SEPTIN7: variants seen among roughly 807,000 people sequenced by gnomAD.
SEPTIN7 encodes septin-7.
Under a neutral mutation model 63.3 loss-of-function variants are expected in SEPTIN7, and 10 were observed. That is an observed-to-expected ratio of 0.16 (90% CI 0.10 to 0.27). The LOEUF is 0.27. Among genes scored for constraint, SEPTIN7 ranks in the 10% least tolerant of loss-of-function variants. The pLI is 1.00. For missense variants in SEPTIN7, 310 were observed against 521.0 expected, an observed-to-expected ratio of 0.59 and a Z score of 3.94; for synonymous variants, 131 against 165.3, an observed-to-expected ratio of 0.79 and a Z score of 1.59.
chr7:35,907,728 A>T (rs1356169449), downstream of SEPTIN7, among the ~76,000 whole-genome samples: 2 of 152,330 alleles, frequency 1.3e-5, no homozygotes, highest in East Asian at 3.9e-4. Flanking sequence ...TAAGAGGGGC[A>T]GCTGGCCACC....
At chr7:35,873,885 A>G in intron 6 of SEPTIN7, 110 bp downstream of exon 6, 3 of 972,716 alleles carry the variant, frequency 3.1e-6, no homozygotes, top group South Asian at 3.3e-5. Context: ...AACTATAGCC[A>G]TTATGAAGTA....
At chr7:35,853,013 AT>A (rs1212417467) in intron 3 of SEPTIN7, among the ~76,000 whole-genome samples, 1 of 152,192 alleles carries the variant, frequency 6.6e-6, no homozygotes, top group South Asian at 2.1e-4. Flanking sequence ...GGGGTATCAA[AT>A]TAAAGATTTG....
At chr7:35,862,768 C>T (rs1002926188) in intron 3 of SEPTIN7, among the ~76,000 whole-genome samples, 12 of 151,934 alleles carry the variant, frequency 7.9e-5, no homozygotes, top group African/African-American at 2.9e-4. Flanking sequence ...AACTCTGTGC[C>T]GTGTTGTCAT....
chr7:35,885,981 T>G, intron 10 of SEPTIN7, 102 bp downstream of exon 10: 2 of 748,258 alleles, frequency 2.7e-6, no homozygotes, highest in Non-Finnish European at 4.5e-6. Context: ...TAATTTAAAT[T>G]TATATCTTCA....
intron 10 of SEPTIN7, chr7:35,888,955 A>G (rs1355799788): frequency 7.6e-6 from 2 of 263,886 alleles, no homozygotes; most frequent in Non-Finnish European, 1.6e-5. Flanking sequence ...CTCAGCTTCA[A>G]TCTTGAGTTA....
chr7:35,831,895 G>T (rs1783850364), intron 2 of SEPTIN7: 1 of 294,036 alleles, frequency 3.4e-6, no homozygotes, highest in East Asian at 1.1e-4. Context: ...ATTTAAATGT[G>T]GCAGAAACTT....
At chr7:35,904,021 T>A (rs182942499) in intron 13 of SEPTIN7, among the ~76,000 whole-genome samples, 1 of 151,678 alleles carries the variant, frequency 6.6e-6, no homozygotes, top group East Asian at 1.9e-4. Flanking sequence ...TTTTGCCTTA[T>A]TTTTTTACTG....
intron 3 of SEPTIN7, among the ~76,000 whole-genome samples, chr7:35,852,586 A>G (rs1170683956): frequency 6.6e-6 from 1 of 152,202 alleles, no homozygotes; most frequent in Non-Finnish European, 1.5e-5. Context: ...TTACTCTGCT[A>G]CCAAGTAAAA....
chr7:35,838,174 AT>A (rs1328763697), intron 3 of SEPTIN7, among the ~76,000 whole-genome samples: 4 of 150,376 alleles, frequency 2.7e-5, no homozygotes, highest in Non-Finnish European at 1.5e-5. Context: ...AGGCATTGAC[AT>A]TTTTTTCCAG....
intron 3 of SEPTIN7, among the ~76,000 whole-genome samples, chr7:35,835,583 G>C (rs1295945532): frequency 6.6e-6 from 1 of 152,144 alleles, no homozygotes; most frequent in African/African-American, 2.4e-5. Flanking sequence ...AGGCTAATCT[G>C]GGGATACTGG....
chr7:35,800,993 A>C, upstream of SEPTIN7: 1 of 446,848 alleles, frequency 2.2e-6, no homozygotes, highest in Non-Finnish European at 4.0e-6. Flanking sequence ...CGCGAGATGG[A>C]AGCCAGCCTC....
At position 35,905,903 on chromosome 7, in the gene SEPTIN7, T is replaced by A. The variant is rs1390700442; in HGVS notation, c.*1610T>A. 1.3e-5 allele frequency: 2 copies of A among 152,162 alleles called. No individual in the cohort carries two copies. The highest frequency in any genetic ancestry group is 6.5e-5 in the Admixed American group (1 of 15,274). The allele number at this position is 152,162 out of a possible 1,614,324, so 9.4% of individuals were successfully genotyped here. On this transcript the variant is annotated 3_prime_UTR_variant, in exon 14 of 14. Coordinates refer to ENST00000350320, the MANE Select transcript of SEPTIN7 (RefSeq NM_001788.6). ...GTAATGCATAATTTAGGTAAGAAAT[T>A]AATTAATGTAGCCTAGTTTATTATC...
chr7:35,857,042 G>A (rs1183120503), intron 3 of SEPTIN7, among the ~76,000 whole-genome samples: 3 of 152,074 alleles, frequency 2.0e-5, no homozygotes, highest in African/African-American at 7.2e-5. Context: ...TTGATTTGAG[G>A]GAGGTAAATA....
At chr7:35,880,223 C>CTTTTTTTTTT in intron 7 of SEPTIN7, among the ~76,000 whole-genome samples, 14 of 72,770 alleles carry the variant, frequency 1.9e-4, no homozygotes, top group African/African-American at 4.8e-4. Flanking sequence ...TTTTTCTTTT[C>CTTTTTTTTTT]TTTTTTTTTT....
At position 35,906,342 on chromosome 7, in the gene SEPTIN7, C is replaced by G. The variant is rs1013761461; in HGVS notation, c.*2049C>G. 3 of 152,148 alleles carry G rather than the reference C, an allele frequency of 2.0e-5. No homozygotes were observed. The highest frequency in any genetic ancestry group is 7.2e-5 in the African/African-American group (3 of 41,436). 9.4% of individuals were successfully genotyped at this position (152,148 alleles called of 1,614,324 possible). On this transcript the variant is annotated 3_prime_UTR_variant, in exon 14 of 14. Transcript: ENST00000350320. ...CAGGATCTATATAACTTTACTAGGA[C>G]TTTTGATTGTTGACTCCAGGCTTAG... is the stretch of plus-strand genomic sequence containing the variant.
intron 6 of SEPTIN7, among the ~76,000 whole-genome samples, chr7:35,875,821 G>A (rs1786445110): frequency 6.6e-6 from 1 of 152,068 alleles, no homozygotes; most frequent in Admixed American, 6.6e-5. Context: ...TTGCCCTGTG[G>A]TTGTTCATTA....
chr7:35,814,478 A>G (rs1788921349), intron 1 of SEPTIN7, among the ~76,000 whole-genome samples: 1 of 138,886 alleles, frequency 7.2e-6, no homozygotes, highest in Admixed American at 6.9e-5. Flanking sequence ...GTCTTAATGA[A>G]TTGTAAGGGT....
At chr7:35,822,341 A>G (rs1474016092) in intron 1 of SEPTIN7, among the ~76,000 whole-genome samples, 1 of 151,926 alleles carries the variant, frequency 6.6e-6, no homozygotes, top group Non-Finnish European at 1.5e-5. Context: ...GGATTACAGG[A>G]GTGAGCCACC....
intron 6 of SEPTIN7, among the ~76,000 whole-genome samples, chr7:35,875,710 T>A (rs1034876208): frequency 1.3e-5 from 2 of 152,234 alleles, no homozygotes; most frequent in Non-Finnish European, 2.9e-5. Context: ...TAGTATTGAT[T>A]ACCACTTTTA....
Sources: gnomAD v4.1 joint callset for allele counts (sites outside exome capture counted in the v4.1 genomes callset) on GRCh38, gnomAD v4.1.1 for gene constraint, MANE v1.5 for transcripts, NCBI Gene and HGNC (gene_info 2026-07-23, HGNC 2026-07-21) for gene names.